Variants in SERPINE2 observed in about 807,000 individuals in gnomAD.
SERPINE2 encodes glia-derived nexin.
In SERPINE2, 14 loss-of-function variants were observed where a neutral mutation model predicts 36.3. The ratio of observed to expected loss-of-function variants is 0.39; its 90% confidence interval spans 0.25 to 0.60. SERPINE2 has a LOEUF of 0.60. Among genes scored for constraint, SERPINE2 ranks in the 20% least tolerant of loss-of-function variants. SERPINE2 has a pLI of 0.57. For missense variants in SERPINE2, 418 were observed against 499.6 expected (o/e 0.84, Z 1.56); for synonymous variants, 192 against 191.8 (o/e 1.00, Z -0.01).
At chr2:224,033,997 A>G (rs1188813706) in intron 1 of SERPINE2, among the ~76,000 whole-genome samples, 1 of 152,202 alleles carries the variant, frequency 6.6e-6, no homozygotes, top group Non-Finnish European at 1.5e-5. Context: ...TGGCAGAGAG[A>G]GCTCCCCTTT....
chr2:223,998,300 G>A lies in SERPINE2; in HGVS notation c.302C>T (p.Ser101Phe). The A allele has an allele frequency of 6.2e-7, 1 of 1,614,090 alleles. No homozygotes were observed. Reference protein sequence around the residue: ...ILKKINKAIVSKKNKDIVTVA... With the variant: ...ILKKINKAIVFKKNKDIVTVA... ...TGTCACAATGTCTTTATTCTTCTTG[G>A]AGACGATGGCCTTGTTGATCTTCTT... The change falls in exon 3 of 9, where the codon TCC (serine) becomes TTC (phenylalanine). Residue 101 changes from serine (S) to phenylalanine (F), a missense_variant. By Grantham distance (155) the Ser-to-Phe change is radical. Transcript: ENST00000409304.
chr2:223,998,106 GC>G lies in SERPINE2; in HGVS notation c.487+8del, dbSNP rs753409229. ...CTATGCAATCAAATGACATACTGCGGCCACTCACCCCTGGTTTCATTTTTAA... is the reference window on the plus strand; with the variant it reads ...CTATGCAATCAAATGACATACTGCGGCACTCACCCCTGGTTTCATTTTTAA... On this transcript the variant is annotated splice_region_variant and intron_variant, in intron 3 of 8. Coordinates refer to ENST00000409304, the MANE Select transcript of SERPINE2 (RefSeq NM_001136528.2). 20 of 1,605,450 alleles carry G rather than the reference GC, an allele frequency of 1.2e-5. No homozygotes were observed. The Admixed American group carries it at 2.7e-4, about 21-fold the overall frequency.
chr2:224,017,360 G>A (rs1420141654), intron 1 of SERPINE2, among the ~76,000 whole-genome samples: 1 of 151,988 alleles, frequency 6.6e-6, no homozygotes, highest in Non-Finnish European at 1.5e-5. Context: ...GCAAACAAAT[G>A]CCAATGTACC....
intron 1 of SERPINE2, chr2:224,038,659 C>G (rs1574857819): frequency 4.2e-6 from 3 of 709,618 alleles, no homozygotes; most frequent in Middle Eastern, 2.4e-4. Flanking sequence ...GTGCGCCAGT[C>G]TCTCCCCATC....
intron 1 of SERPINE2, among the ~76,000 whole-genome samples, chr2:224,002,124 G>A (rs1488216192): frequency 1.3e-5 from 2 of 151,870 alleles, no homozygotes; most frequent in East Asian, 1.9e-4. Context: ...TTACAGGCGT[G>A]TACCACCATA....
At chr2:224,038,833 G>A (rs1289767895) in intron 1 of SERPINE2, 4 of 319,052 alleles carry the variant, frequency 1.3e-5, no homozygotes, top group African/African-American at 6.5e-5. Flanking sequence ...GCCCCGCCTT[G>A]CCCTGCCCGG....
intron 1 of SERPINE2, among the ~76,000 whole-genome samples, chr2:224,021,562 C>T (rs567467820): frequency 2.6e-5 from 4 of 152,310 alleles, no homozygotes; most frequent in South Asian, 4.1e-4. Flanking sequence ...TTTGCCTTTA[C>T]TTAACATGAA....
chr2:224,031,396 T>TG (rs1172787440), intron 1 of SERPINE2: 3 of 985,408 alleles, frequency 3.0e-6, no homozygotes, highest in South Asian at 4.7e-5. Context: ...GAGATTCCGT[T>TG]GGGGGGAAAA....
At chr2:223,987,811 C>T (rs1006567569) in intron 4 of SERPINE2, among the ~76,000 whole-genome samples, 5 of 152,172 alleles carry the variant, frequency 3.3e-5, no homozygotes, top group South Asian at 4.1e-4. Flanking sequence ...CGTAACTAGG[C>T]TCACTGAAAT....
intron 6 of SERPINE2, 93 bp downstream of exon 6, chr2:223,982,588 C>A: frequency 1.4e-6 from 1 of 710,232 alleles, no homozygotes; most frequent in Non-Finnish European, 2.3e-6. Context: ...CAGGGCAACA[C>A]ATTCCTAATT....
chr2:224,029,035 G>T (rs1249637289), intron 1 of SERPINE2, among the ~76,000 whole-genome samples: 1 of 152,184 alleles, frequency 6.6e-6, no homozygotes. Context: ...ATTCAAATTA[G>T]TATGATCAGA....
At position 223,985,168 on chromosome 2, in the gene SERPINE2, A is replaced by C. The variant is rs1690378558; in HGVS notation, c.686-218T>G. On this transcript the variant is annotated intron_variant, in intron 4 of 8. Transcript: ENST00000409304. ...TCAGTCTAGACAGAATGCCTTTGGG[A>C]ATCACTGAAATCACTTTAATTCTGT... 4 of 560,412 alleles carry C rather than the reference A, an allele frequency of 7.1e-6. No homozygotes were observed. In the South Asian group the frequency reaches 8.8e-5, roughly 12 times the overall value. The allele number at this position is 560,412 out of a possible 1,614,324, so 34.7% of individuals were successfully genotyped here. A position where few individuals can be genotyped will look rare whatever the true frequency, so the allele number is the denominator to read the frequency against.
intron 1 of SERPINE2, among the ~76,000 whole-genome samples, chr2:224,023,688 AAT>A (rs1211437971): frequency 3.3e-5 from 5 of 152,256 alleles, no homozygotes; most frequent in African/African-American, 1.2e-4. Context: ...GTCATATTAA[AAT>A]ACATGGATTC....
intron 3 of SERPINE2, among the ~76,000 whole-genome samples, chr2:223,993,428 G>T (rs929363612): frequency 6.7e-6 from 1 of 149,644 alleles, no homozygotes; most frequent in Non-Finnish European, 1.5e-5. Flanking sequence ...GTCTTTGAAG[G>T]TTCAGTTGTG....
intron 4 of SERPINE2, among the ~76,000 whole-genome samples, chr2:223,986,763 T>C (rs2106142988): frequency 6.6e-6 from 1 of 152,262 alleles, no homozygotes; most frequent in Middle Eastern, 3.4e-3. Context: ...CACCAGTTAA[T>C]CCATCCTTGG....
chr2:223,998,750 G>A (rs1690993827), intron 2 of SERPINE2, among the ~76,000 whole-genome samples: 1 of 152,166 alleles, frequency 6.6e-6, no homozygotes, highest in Non-Finnish European at 1.5e-5. Flanking sequence ...AAACAGGATA[G>A]CTATGAGTAG....
chr2:224,031,690 T>C (rs1692381087), intron 1 of SERPINE2, among the ~76,000 whole-genome samples: 1 of 152,012 alleles, frequency 6.6e-6, no homozygotes, highest in Non-Finnish European at 1.5e-5. Flanking sequence ...CCCACAGCCA[T>C]TGGTACAGCG....
intron 7 of SERPINE2, chr2:223,978,577 C>T (rs1351223353): frequency 6.6e-6 from 1 of 152,246 alleles, no homozygotes; most frequent in Non-Finnish European, 1.5e-5. Flanking sequence ...AGGCTTGTTT[C>T]CATTTAATAA....
chr2:223,992,360 T>TTA (rs1690710350), intron 3 of SERPINE2, among the ~76,000 whole-genome samples: 1 of 152,190 alleles, frequency 6.6e-6, no homozygotes, highest in African/African-American at 2.4e-5. Context: ...CTTCTTCTTT[T>TTA]CTTTTTTTTG....
Sources: gnomAD v4.1 joint callset for allele counts (sites outside exome capture counted in the v4.1 genomes callset) on GRCh38, gnomAD v4.1.1 for gene constraint, MANE v1.5 for transcripts, NCBI Gene and HGNC (gene_info 2026-07-23, HGNC 2026-07-21) for gene names.